The following ADAMTSL1 variants were observed in gnomAD, a reference collection of about 807,000 sequenced individuals.
The protein encoded by ADAMTSL1 is ADAMTS like 1, also known as ADAMTS-like protein 1.
In ADAMTSL1, 126 loss-of-function variants were observed where a neutral mutation model predicts 201.8. The observed-to-expected ratio is 0.62, with a 90% CI of 0.54 to 0.72. ADAMTSL1 has a LOEUF of 0.72. ADAMTSL1 is among the 30% of genes least tolerant of loss of function. The probability of loss-of-function intolerance (pLI) is 0.00; values close to 1 mark genes in which losing one functional copy is unlikely to be tolerated. For missense variants in ADAMTSL1, 2,679 were observed against 2,277.8 expected, an observed-to-expected ratio of 1.18 and a Z score of -3.59; for synonymous variants, 1,121 against 903.4, an observed-to-expected ratio of 1.24 and a Z score of -4.32.
intron 1 of ADAMTSL1, among the ~76,000 whole-genome samples, chr9:18,480,287 C>T (rs546127116): frequency 6.6e-6 from 1 of 152,176 alleles, no homozygotes; most frequent in Non-Finnish European, 1.5e-5. Context: ...TAATTGAGTT[C>T]TCATCAGTGA....
chr9:17,922,255 T>A (rs181786135), intron 1 of ADAMTSL1, among the ~76,000 whole-genome samples: 13 of 152,284 alleles, frequency 8.5e-5, no homozygotes, highest in Admixed American at 7.9e-4. Context: ...GCGCACGTGC[T>A]ACATATTTCT....
At chr9:18,575,118 T>C (rs1340620909) in intron 4 of ADAMTSL1, among the ~76,000 whole-genome samples, 1 of 152,180 alleles carries the variant, frequency 6.6e-6, no homozygotes, top group Non-Finnish European at 1.5e-5. Flanking sequence ...ATGTATAATA[T>C]CACGGCTAGG....
chr9:18,291,727 TCTCTCTCTCTCTCTCTCTCTCACACACA>T (rs1833273147), intron 2 of ADAMTSL1, among the ~76,000 whole-genome samples: 1 of 126,218 alleles, frequency 7.9e-6, no homozygotes, highest in African/African-American at 3.3e-5. Context: ...TCTCTCTCTC[TCTCTCTCTCTCTCTCTCTCTCACACACA>T]CACACACACA....
At chr9:18,224,280 T>C (rs1288092471) in intron 2 of ADAMTSL1, among the ~76,000 whole-genome samples, 3 of 152,150 alleles carry the variant, frequency 2.0e-5, no homozygotes, top group Non-Finnish European at 2.9e-5. Flanking sequence ...TGGTCTCTGC[T>C]TTCAAGATGG....
chr9:18,151,759 C>T (rs1826926232), intron 1 of ADAMTSL1, among the ~76,000 whole-genome samples: 2 of 152,076 alleles, frequency 1.3e-5, no homozygotes, highest in South Asian at 2.1e-4. Context: ...GCCCAAAACA[C>T]AAAAGGCCCA....
chr9:18,901,088 G>C (rs1170469936), intron 26 of ADAMTSL1, among the ~76,000 whole-genome samples: 7 of 151,612 alleles, frequency 4.6e-5, no homozygotes, highest in East Asian at 1.9e-4. Context: ...GCAGTTGCTG[G>C]TGCCATGCTT....
intron 4 of ADAMTSL1, among the ~76,000 whole-genome samples, chr9:18,589,539 T>C (rs1377886203): frequency 6.6e-6 from 1 of 152,210 alleles, no homozygotes; most frequent in Non-Finnish European, 1.5e-5. Context: ...ATTTGACTTC[T>C]TCCTTTACAA....
intron 1 of ADAMTSL1, among the ~76,000 whole-genome samples, chr9:18,070,021 G>A (rs1259762996): frequency 6.6e-6 from 1 of 152,208 alleles, no homozygotes. Context: ...GAGTGGAAAT[G>A]TCTGCATGAG....
At chr9:18,078,676 C>T (rs1446917685) in intron 1 of ADAMTSL1, among the ~76,000 whole-genome samples, 1 of 152,148 alleles carries the variant, frequency 6.6e-6, no homozygotes, top group Non-Finnish European at 1.5e-5. Context: ...CCCCTCCAAT[C>T]GTAACCCCTA....
intron 1 of ADAMTSL1, among the ~76,000 whole-genome samples, chr9:18,060,140 T>G (rs139546176): frequency 1.2e-4 from 18 of 152,296 alleles, no homozygotes; most frequent in African/African-American, 3.1e-4. Flanking sequence ...TACACACACA[T>G]TCCACATATA....
intron 2 of ADAMTSL1, among the ~76,000 whole-genome samples, chr9:18,264,861 C>T (rs933892217): frequency 2.0e-5 from 3 of 152,180 alleles, no homozygotes; most frequent in African/African-American, 7.2e-5. Flanking sequence ...TCTGGCTTCA[C>T]CACCCATTGT....
chr9:17,973,725 G>A (rs1354434210), intron 1 of ADAMTSL1, among the ~76,000 whole-genome samples: 3 of 137,668 alleles, frequency 2.2e-5, no homozygotes, highest in Non-Finnish European at 4.8e-5. Context: ...GCTTGATGGG[G>A]ATGGCATTGT....
chr9:18,549,807 A>G (rs1344199231), intron 3 of ADAMTSL1, among the ~76,000 whole-genome samples: 1 of 151,950 alleles, frequency 6.6e-6, no homozygotes, highest in Non-Finnish European at 1.5e-5. Context: ...TATGTGCCCT[A>G]AAACCTAAAA....
rs57351480 is a variant in ADAMTSL1, at chr9:18,621,556, C to CCACACACACACACACA, written c.475-658_475-643dup. On this transcript the variant is annotated intron_variant, in intron 4 of 28. Transcript: ENST00000380548. ...CTGCCCTTCATGCAACCGTCCTCTTCCACACACACACACACACACACACAC... is the reference window on the plus strand; with the variant it reads ...CTGCCCTTCATGCAACCGTCCTCTTCCACACACACACACACACACACACACACACACACACACACAC... 9.7e-5 allele frequency among the ~76,000 whole-genome samples: 14 copies of CCACACACACACACACA among 143,728 alleles called. No homozygotes were observed. The East Asian group carries it at 1.8e-3, about 19-fold the overall frequency. 94.3% of individuals were successfully genotyped at this position (143,728 alleles called of 152,430 possible). A position where few individuals can be genotyped will look rare whatever the true frequency, so the allele number is the denominator to read the frequency against.
chr9:18,287,496 A>G (rs563770273), intron 2 of ADAMTSL1, among the ~76,000 whole-genome samples: 1 of 151,586 alleles, frequency 6.6e-6, no homozygotes, highest in Non-Finnish European at 1.5e-5. Flanking sequence ...TAATGCATGT[A>G]TTTATATGTG....
intron 2 of ADAMTSL1, among the ~76,000 whole-genome samples, chr9:18,197,419 G>A (rs1261665502): frequency 1.1e-5 from 1 of 95,032 alleles, no homozygotes; most frequent in Non-Finnish European, 2.1e-5. Context: ...GGATTCCTAG[G>A]TATTTTATTC....
Position 18,777,450 on chromosome 9 carries a change from A to G in ADAMTSL1, c.3221A>G (p.Glu1074Gly), listed in dbSNP as rs779707910. The change falls in exon 19 of 29, where the codon GAG becomes GGG. Residue 1074 changes from glutamate to glycine, a missense_variant. By Grantham distance (98) the Glu-to-Gly change is moderately conservative. Transcript: ENST00000380548. ...CACCTGCCCTTCACCATGGTGACCG[A>G]GCAGCGGCGCCTGGACGACATCCTG... is the stretch of plus-strand genomic sequence containing the variant. ...LLHLPFTMVT[E>G]QRRLDDILGN... 3.8e-6 allele frequency: 6 copies of G among 1,596,584 alleles called. No individual in the cohort carries two copies. Among genetic ancestry groups the G allele is most frequent in the Non-Finnish European group, 5.1e-6 (6 of 1,171,966 alleles).
chr9:18,248,694 C>T (rs964919373), intron 2 of ADAMTSL1, among the ~76,000 whole-genome samples: 1 of 152,282 alleles, frequency 6.6e-6, no homozygotes, highest in Non-Finnish European at 1.5e-5. Flanking sequence ...CTGCGGCAAA[C>T]GCATCGTCCA....
chr9:18,618,426 T>G (rs1410046189), intron 4 of ADAMTSL1, among the ~76,000 whole-genome samples: 1 of 151,982 alleles, frequency 6.6e-6, no homozygotes, highest in African/African-American at 2.4e-5. Flanking sequence ...AATATCAAGA[T>G]TAGTAAAACA....
Sources: gnomAD v4.1 joint callset for allele counts (sites outside exome capture counted in the v4.1 genomes callset) on GRCh38, gnomAD v4.1.1 for gene constraint, MANE v1.5 for transcripts, NCBI Gene and HGNC (gene_info 2026-07-23, HGNC 2026-07-21) for gene names.